The following AR variants were observed in gnomAD, a reference collection of about 807,000 sequenced individuals.
AR encodes androgen receptor, also known as dihydrotestosterone receptor.
Under a neutral mutation model 53.9 loss-of-function variants are expected in AR, and 8 were observed. The ratio of observed to expected loss-of-function variants is 0.15; its 90% CI spans 0.09 to 0.27. AR has a LOEUF of 0.27. AR is among the 10% of genes least tolerant of loss of function. The pLI is 1.00. For missense variants in AR, 639 were observed against 742.5 expected, an observed-to-expected ratio of 0.86 and a Z score of 1.62; for synonymous variants, 359 against 316.4, an observed-to-expected ratio of 1.13 and a Z score of -1.43.
chrX:67,544,358 C>A lies in AR; in HGVS notation c.-789C>A, dbSNP rs1460872243. ...TCCTCCTCTCCACCCCGCCTCCCCC[C>A]ACCCTGCCTTCCCCCCCTCCCCCGT... On this transcript the variant is annotated 5_prime_UTR_variant, in exon 1 of 8. Coordinates refer to ENST00000374690, the MANE Select transcript of AR (RefSeq NM_000044.6). 1.7e-5 allele frequency: 2 copies of A among 120,275 alleles called. No individual in the cohort carries two copies. The highest frequency in any genetic ancestry group is 1.2e-4 in the East Asian group (1 of 8,250). 9.9% of individuals were successfully genotyped at this position (120,275 alleles called of 1,213,427 possible).
chrX:67,631,297 C>A (rs779645185), intron 1 of AR, among the ~76,000 whole-genome samples: 2 of 111,706 alleles, frequency 1.8e-5, no homozygotes, highest in African/African-American at 6.5e-5. Context: ...TAGATTTGGT[C>A]TTTTCCCATA....
intron 2 of AR, among the ~76,000 whole-genome samples, chrX:67,680,465 T>C (rs1302234042): frequency 8.9e-6 from 1 of 112,347 alleles, no homozygotes; most frequent in Non-Finnish European, 1.9e-5. Flanking sequence ...AAATATTGCT[T>C]CTTCTTAGCC....
chrX:67,608,090 G>A (rs1464876069), intron 1 of AR, among the ~76,000 whole-genome samples: 1 of 112,281 alleles, frequency 8.9e-6, no homozygotes, highest in Non-Finnish European at 1.9e-5. Context: ...AAATCAACAT[G>A]AAACCAGATG....
chrX:67,721,047 C>T (rs2076133670), intron 5 of AR, among the ~76,000 whole-genome samples: 1 of 111,557 alleles, frequency 9.0e-6, no homozygotes, highest in Non-Finnish European at 1.9e-5. Flanking sequence ...GCCACTTCCC[C>T]ATATAATTTA....
chrX:67,569,882 G>C (rs1279208193), intron 1 of AR, among the ~76,000 whole-genome samples: 1 of 110,808 alleles, frequency 9.0e-6, no homozygotes, highest in Non-Finnish European at 1.9e-5. Flanking sequence ...TGCCCCTATT[G>C]TCCCCATCTC....
intron 1 of AR, among the ~76,000 whole-genome samples, chrX:67,630,430 A>T (rs1925014371): frequency 9.0e-6 from 1 of 110,810 alleles, no homozygotes; most frequent in African/African-American, 3.3e-5. Context: ...GTTGGTTTAA[A>T]GTCTGTTTTA....
At chrX:67,674,268 G>T (rs1177436154) in intron 2 of AR, among the ~76,000 whole-genome samples, 2 of 109,922 alleles carry the variant, frequency 1.8e-5, no homozygotes, top group Admixed American at 9.7e-5. Flanking sequence ...CAACACCATT[G>T]GGACTGTGCT....
intron 1 of AR, among the ~76,000 whole-genome samples, chrX:67,628,914 G>A: frequency 9.0e-6 from 1 of 111,176 alleles, no homozygotes; most frequent in Non-Finnish European, 1.9e-5. Flanking sequence ...TTTGTCTTTG[G>A]TTCTGTTTAT....
Position 67,695,480 on chromosome X carries a change from C to T in AR, c.1885+9354C>T, listed in dbSNP as rs1015263492. 3.9e-5 allele frequency: 29 copies of T among 752,328 alleles called. No homozygotes were observed. The East Asian group carries it at 4.0e-3, about 103-fold the overall frequency. 62.0% of individuals were successfully genotyped at this position (752,328 alleles called of 1,213,427 possible). On this transcript the variant is annotated intron_variant, in intron 3 of 7. Coordinates refer to ENST00000374690, the MANE Select transcript of AR (RefSeq NM_000044.6). ...ACTCCTTGATTGCTCTCTCACATCA[C>T]ATGCTTCTCTTCATCAGTTGTAAGC...
chrX:67,704,783 A>G (rs1428847799), intron 3 of AR, among the ~76,000 whole-genome samples: 1 of 112,130 alleles, frequency 8.9e-6, no homozygotes, highest in Non-Finnish European at 1.9e-5. Flanking sequence ...TTTTAGGTCT[A>G]ACATTTAAGT....
At chrX:67,568,894 T>C in intron 1 of AR, 4 of 1,203,961 alleles carry the variant, frequency 3.3e-6, no homozygotes, top group Non-Finnish European at 4.5e-6. Context: ...TTCTTGCCTA[T>C]GCAAATGCCT....
chrX:67,550,944 C>A (rs1929969381), intron 1 of AR, among the ~76,000 whole-genome samples: 1 of 107,185 alleles, frequency 9.3e-6, no homozygotes, highest in Non-Finnish European at 1.9e-5. Context: ...TAGATTAACC[C>A]CAGTATCTCT....
chrX:67,633,137 C>A (rs1262917426), intron 1 of AR, among the ~76,000 whole-genome samples: 1 of 112,204 alleles, frequency 8.9e-6, no homozygotes, highest in Non-Finnish European at 1.9e-5. Context: ...TTTGGTTTTT[C>A]TTCACTTTTA....
intron 1 of AR, among the ~76,000 whole-genome samples, chrX:67,627,943 T>C (rs1296975968): frequency 8.9e-6 from 1 of 111,888 alleles, no homozygotes; most frequent in African/African-American, 3.2e-5. Context: ...GATCAGATAG[T>C]TGTAGATATG....
intron 6 of AR, 31 bp downstream of exon 6, chrX:67,721,994 CT>C: frequency 8.3e-7 from 1 of 1,207,751 alleles, no homozygotes; most frequent in Non-Finnish European, 1.1e-6. Flanking sequence ...GGAATGCCCC[CT>C]GAGGGCACAG....
chrX:67,589,131 C>T (rs1375320092), intron 1 of AR, among the ~76,000 whole-genome samples: 1 of 111,767 alleles, frequency 8.9e-6, no homozygotes, highest in Non-Finnish European at 1.9e-5. Flanking sequence ...GGCGCGGTGG[C>T]GGGCGCCTGT....
rs772490385 is a variant in AR, at chrX:67,721,822, C to A, written c.2319-11C>A. On this transcript the variant is annotated splice_polypyrimidine_tract_variant and intron_variant, in intron 5 of 7. Transcript: ENST00000374690. ...CCTCATTCCTTTTTCCTCTGTGTAT[C>A]TCCTTCCCAGGTACCGCATGCACAA... 5 of 1,210,897 alleles carry A rather than the reference C, an allele frequency of 4.1e-6. No homozygotes were observed. In the Admixed American group the frequency reaches 1.1e-4, roughly 26 times the overall value.
At chrX:67,676,277 T>C (rs2075899295) in intron 2 of AR, among the ~76,000 whole-genome samples, 1 of 111,783 alleles carries the variant, frequency 8.9e-6, no homozygotes, top group African/African-American at 3.3e-5. Flanking sequence ...TATTAATACA[T>C]AAGGCACATG....
intron 1 of AR, among the ~76,000 whole-genome samples, chrX:67,637,266 T>C (rs1925481893): frequency 9.4e-6 from 1 of 106,389 alleles, no homozygotes; most frequent in Non-Finnish European, 1.9e-5. Context: ...CATGTTGGTG[T>C]GCTGCACCCA....
Sources: gnomAD v4.1 joint callset for allele counts (sites outside exome capture counted in the v4.1 genomes callset) on GRCh38, gnomAD v4.1.1 for gene constraint, MANE v1.5 for transcripts, NCBI Gene and HGNC (gene_info 2026-07-23, HGNC 2026-07-21) for gene names.